Variants in MYRIP observed in about 807,000 individuals in gnomAD.
MYRIP encodes myosin VIIA and Rab interacting protein.
In MYRIP, 49 loss-of-function variants were observed where a neutral mutation model predicts 98.0. That is an observed-to-expected ratio of 0.50 (90% CI 0.40 to 0.63). The LOEUF (loss-of-function observed/expected upper bound fraction) is 0.63. MYRIP is among the 30% of genes least tolerant of loss of function. The pLI is 0.00. For synonymous variants in MYRIP, 404 were observed against 409.5 expected, an observed-to-expected ratio of 0.99 and a Z score of 0.16; for missense variants, 1,004 against 1,058.2, an observed-to-expected ratio of 0.95 and a Z score of 0.71.
At chr3:40,022,634 C>T (rs533826472) in intron 2 of MYRIP, among the ~76,000 whole-genome samples, 7 of 152,078 alleles carry the variant, frequency 4.6e-5, no homozygotes, top group African/African-American at 9.6e-5. Flanking sequence ...CAATGCAGGT[C>T]GGGGATGTGG....
chr3:40,204,173 T>TATATTATATAAC (rs1951721621), intron 10 of MYRIP, among the ~76,000 whole-genome samples: 4 of 56,958 alleles, frequency 7.0e-5, no homozygotes, highest in Non-Finnish European at 1.3e-4. Flanking sequence ...ATAATATTTA[T>TATATTATATAAC]ATATTATATA....
At chr3:40,007,698 T>C (rs1417448216) in intron 2 of MYRIP, among the ~76,000 whole-genome samples, 1 of 152,202 alleles carries the variant, frequency 6.6e-6, no homozygotes, top group East Asian at 1.9e-4. Context: ...TTGACTGATT[T>C]TAAGGAGTTG....
At chr3:40,000,619 T>C (rs571110632) in intron 2 of MYRIP, among the ~76,000 whole-genome samples, 1 of 152,286 alleles carries the variant, frequency 6.6e-6, no homozygotes, top group Admixed American at 6.5e-5. Flanking sequence ...GGGAGGTACT[T>C]GAGGGACTTG....
At chr3:40,223,431 T>A (rs1952394861) in intron 11 of MYRIP, among the ~76,000 whole-genome samples, 1 of 152,224 alleles carries the variant, frequency 6.6e-6, no homozygotes, top group Admixed American at 6.5e-5. Flanking sequence ...TAAATTTAAC[T>A]CACCATTAAT....
chr3:39,995,019 A>G (rs889537473), intron 2 of MYRIP, among the ~76,000 whole-genome samples: 1 of 152,212 alleles, frequency 6.6e-6, no homozygotes, highest in Non-Finnish European at 1.5e-5. Flanking sequence ...AAGGACATCC[A>G]CACCAAAACC....
At chr3:39,958,605 G>C (rs1179801355) in intron 2 of MYRIP, among the ~76,000 whole-genome samples, 1 of 152,144 alleles carries the variant, frequency 6.6e-6, no homozygotes, top group East Asian at 1.9e-4. Flanking sequence ...ATACCATTCA[G>C]GACATAGGCA....
intron 2 of MYRIP, among the ~76,000 whole-genome samples, chr3:39,944,704 G>A (rs1944859778): frequency 6.6e-6 from 1 of 152,124 alleles, no homozygotes; most frequent in African/African-American, 2.4e-5. Context: ...GCAAATGGAA[G>A]CTAAGAAACA....
At chr3:39,886,495 T>G (rs1309369188) in intron 1 of MYRIP, among the ~76,000 whole-genome samples, 1 of 150,382 alleles carries the variant, frequency 6.6e-6, no homozygotes, top group Non-Finnish European at 1.5e-5. Flanking sequence ...TGGAGGAAGA[T>G]CTACCAAGCA....
At chr3:40,095,354 C>G (rs1484638217) in intron 3 of MYRIP, among the ~76,000 whole-genome samples, 2 of 152,116 alleles carry the variant, frequency 1.3e-5, no homozygotes, top group Non-Finnish European at 2.9e-5. Context: ...TAGCTTCTGC[C>G]TTCACAGGTT....
chr3:40,234,188 C>A, intron 12 of MYRIP, 135 bp downstream of exon 12: 1 of 913,610 alleles, frequency 1.1e-6, no homozygotes, highest in Non-Finnish European at 1.5e-6. Flanking sequence ...CAAATACATT[C>A]TCAGGAAGGA....
At chr3:40,035,624 G>C (rs542188280) in intron 2 of MYRIP, among the ~76,000 whole-genome samples, 1 of 151,898 alleles carries the variant, frequency 6.6e-6, no homozygotes, top group Admixed American at 6.6e-5. Context: ...AAAAGTATAG[G>C]AACCAAGGAA....
intron 1 of MYRIP, among the ~76,000 whole-genome samples, chr3:39,895,918 T>TGTGTGTGTGTGTGTGTG (rs1943598865): frequency 3.5e-5 from 1 of 28,630 alleles, no homozygotes; most frequent in African/African-American, 6.3e-4. Context: ...GTGTGTGTGG[T>TGTGTGTGTGTGTGTGTG]GTGTGTGTGT....
At chr3:39,950,511 C>T (rs1461079898) in intron 2 of MYRIP, among the ~76,000 whole-genome samples, 1 of 152,138 alleles carries the variant, frequency 6.6e-6, no homozygotes, top group African/African-American at 2.4e-5. Flanking sequence ...TTTATGAATT[C>T]TGAGATGATT....
intron 1 of MYRIP, among the ~76,000 whole-genome samples, chr3:39,854,206 G>A (rs1305301218): frequency 2.6e-5 from 4 of 152,108 alleles, no homozygotes; most frequent in Non-Finnish European, 2.9e-5. Context: ...AGCAAGGCCA[G>A]AAAAGTTTTC....
At chr3:40,083,313 G>A (rs1210337455) in intron 3 of MYRIP, among the ~76,000 whole-genome samples, 2 of 152,214 alleles carry the variant, frequency 1.3e-5, no homozygotes, top group African/African-American at 4.8e-5. Context: ...CCTCTTGAAG[G>A]ATTGGGGAGC....
intron 8 of MYRIP, among the ~76,000 whole-genome samples, chr3:40,180,592 A>G (rs1950862313): frequency 6.6e-6 from 1 of 152,248 alleles, no homozygotes; most frequent in African/African-American, 2.4e-5. Context: ...CAGTGTCTTG[A>G]GGAACTGATA....
At chr3:39,976,050 G>A (rs1321879255) in intron 2 of MYRIP, among the ~76,000 whole-genome samples, 1 of 152,132 alleles carries the variant, frequency 6.6e-6, no homozygotes. Context: ...TTGACAAATG[G>A]GTTCTAATTA....
chr3:39,963,861 T>A lies in MYRIP; in HGVS notation c.110+62935T>A, dbSNP rs763145005. Among the ~76,000 whole-genome samples the A allele has an allele frequency of 1.5e-3, 227 of 152,172 alleles. 3 individuals are homozygous for A. The highest frequency in any genetic ancestry group is 8.7e-4 in the Non-Finnish European group (59 of 68,024). On this transcript the variant is annotated intron_variant, in intron 2 of 16. Transcript: ENST00000302541. ...ACATATTCATATTATATGTTAGAAA[T>A]CTACATTTGCAAAGATCAGCTAAGT...
chr3:39,938,378 T>C lies in MYRIP; in HGVS notation c.110+37452T>C, dbSNP rs115600859. On this transcript the variant is annotated intron_variant, in intron 2 of 16. Transcript: ENST00000302541. Reference sequence around the variant, plus strand: ...TATTCAATGTATTGATCTATTCTACTGTCTGTGGGCATTTGGGTAGTTTCT... The same window carrying C: ...TATTCAATGTATTGATCTATTCTACCGTCTGTGGGCATTTGGGTAGTTTCT... 2.2e-3 allele frequency among the ~76,000 whole-genome samples: 331 copies of C among 152,312 alleles called. 1 individual carries two copies. Among genetic ancestry groups the C allele is most frequent in the African/African-American group, 6.8e-3 (284 of 41,580 alleles).
Sources: allele counts gnomAD v4.1 joint callset (sites outside exome capture counted in the v4.1 genomes callset), GRCh38; gene constraint gnomAD v4.1.1; transcripts MANE v1.5; gene names NCBI Gene and HGNC (gene_info 2026-07-23, HGNC 2026-07-21).